The following NUMA1 variants were observed in gnomAD, a reference collection of about 807,000 sequenced individuals.
NUMA1 encodes nuclear mitotic apparatus protein 1, also known as SP-H antigen.
A neutral mutation model predicts 237.1 loss-of-function variants in NUMA1; 62 were observed. That is an observed-to-expected ratio of 0.26 (90% confidence interval 0.21 to 0.32). The LOEUF is 0.32. NUMA1 is among the 10% of genes least tolerant of loss of function. The pLI is 1.00. For synonymous variants in NUMA1, 1,028 were observed against 1,066.1 expected (o/e 0.96, Z 0.70); for missense variants, 2,533 against 2,666.5 (o/e 0.95, Z 1.10).
At chr11:72,026,813 T>A (rs1306188970) in intron 4 of NUMA1, among the ~76,000 whole-genome samples, 3 of 152,174 alleles carry the variant, frequency 2.0e-5, no homozygotes, top group African/African-American at 7.2e-5. Flanking sequence ...AGTAGCGGTA[T>A]CAGAAATGTA....
chr11:72,015,996 G>A lies in NUMA1; in HGVS notation c.1507C>T (p.Leu503=), dbSNP rs1203671678. ...GARLTAQVAS[L]TSELTTLNAT... ...TTGAGTGTGGTGAGCTCAGAGGTCA[G>A]AGAGGCCACCTGGGCAGTCAACCGG... Residue 503 remains leucine (L), a synonymous_variant, in exon 15 of 27, where the codon CTG becomes TTG. Transcript: ENST00000393695. The surrounding 1 kb of genome is among the most constrained non-coding windows in gnomAD (Gnocchi z 4.0). 6.2e-7 allele frequency: 1 copy of A among 1,614,138 alleles called. No homozygotes were observed. The highest frequency in any genetic ancestry group is 1.3e-5 in the African/African-American group (1 of 75,070).
chr11:72,041,478 G>A (rs1941660207), intron 2 of NUMA1: 1 of 152,324 alleles, frequency 6.6e-6, no homozygotes, highest in South Asian at 2.1e-4. Context: ...CCTTCGCTCT[G>A]TTTTCCACCC....
chr11:72,045,337 G>T (rs574897837), intron 2 of NUMA1, among the ~76,000 whole-genome samples: 1 of 152,242 alleles, frequency 6.6e-6, no homozygotes, highest in South Asian at 2.1e-4. Context: ...TATTCCCACT[G>T]TATCATTTGT....
chr11:72,033,373 T>G (rs555470085), intron 3 of NUMA1, among the ~76,000 whole-genome samples: 6 of 2,306 alleles, frequency 2.6e-3, no homozygotes, highest in African/African-American at 5.0e-3. Flanking sequence ...TGTTTTTTTT[T>G]TTTTTTTTTT....
chr11:72,018,447 G>A lies in NUMA1; in HGVS notation c.809C>T (p.Ala270Val). ...AAGCTCCTTGGGCTCCAGTGGGCTG[G>A]CCGCCTGCTTCTCATTCAGCAGGGC... ...RLALLNEKQAASPLEPKELEE... is the reference protein window; with the variant it reads ...RLALLNEKQAVSPLEPKELEE... Residue 270 changes from alanine to valine, a missense_variant, in exon 11 of 27, where the codon GCC (alanine) becomes GTC (valine). Around this residue, in one of 3 missense-constraint regions of NUMA1, gnomAD observed 1,414 missense variants for 1,508.1 expected, o/e 0.94. Transcript: ENST00000393695. 4.3e-6 allele frequency: 7 copies of A among 1,614,132 alleles called. No individual in the cohort carries two copies. Among genetic ancestry groups the A allele is most frequent in the Non-Finnish European group, 5.9e-6 (7 of 1,180,008 alleles).
chr11:72,047,732 G>A (rs1365878427), intron 2 of NUMA1: 1 of 152,160 alleles, frequency 6.6e-6, no homozygotes, highest in Non-Finnish European at 1.5e-5. Flanking sequence ...ACAGGCTCTG[G>A]ATTAGCTACG....
At chr11:72,069,097 G>T (rs1218096023) in intron 2 of NUMA1, among the ~76,000 whole-genome samples, 1 of 152,160 alleles carries the variant, frequency 6.6e-6, no homozygotes, top group Non-Finnish European at 1.5e-5. Flanking sequence ...TTACTTTGAA[G>T]GGGTCAAACT....
chr11:72,010,866 AGAG>A lies in NUMA1; in HGVS notation c.4651-15_4651-13del, dbSNP rs759041470. On this transcript the variant is annotated splice_polypyrimidine_tract_variant and intron_variant, in intron 16 of 26. Coordinates refer to ENST00000393695, the MANE Select transcript of NUMA1 (RefSeq NM_006185.4). ...CTCAGTTCTTCCACCTGGGGAGGGA[AGAG>A]GAGGACAGAAGACTCAGGAGGACTT... 5.0e-6 allele frequency: 8 copies of A among 1,613,072 alleles called. No homozygotes were observed. In the South Asian group the frequency reaches 5.5e-5, roughly 11 times the overall value.
In NUMA1 at chr11:72,014,172, C is replaced by T. The variant is rs757700062; in HGVS notation, c.3331G>A (p.Ala1111Thr). ...CCTGTTGGCTCTGTCCTGCCAGCAG[C>T]CTCAGATTGGGCTCCTGAGCCAGAT... Reference protein sequence around the residue: ...HASGSGAQSEAAGRTEPTGPK... With the variant: ...HASGSGAQSETAGRTEPTGPK... The change falls in exon 15 of 27, where the codon GCT becomes ACT. Residue 1111 changes from alanine to threonine, a missense_variant. Ala to Thr is a moderately conservative substitution (Grantham distance 58). Coordinates refer to ENST00000393695, the MANE Select transcript of NUMA1 (RefSeq NM_006185.4). This position sits in a 1 kb window ranked among gnomAD's most constrained non-coding sequence, Gnocchi z 4.6. The T allele has an allele frequency of 2.5e-6, 4 of 1,613,812 alleles. No homozygotes were observed. The South Asian group carries it at 4.4e-5, about 18-fold the overall frequency.
Position 72,016,222 on chromosome 11 carries a change from T to G in NUMA1, c.1281A>C (p.Ala427=). 6.2e-7 allele frequency: 1 copy of G among 1,603,244 alleles called. No individual in the cohort carries two copies. Among genetic ancestry groups the G allele is most frequent in the Non-Finnish European group, 8.5e-7 (1 of 1,171,588 alleles). Residue 427 remains alanine, a synonymous_variant, in exon 15 of 27, where the codon GCA becomes GCC. Transcript: ENST00000393695. ...CCCTGGCTTGGAGCTGTGTGTTGTT[T>G]GCAGCAAGAGTGGCTGCCTCTTGCT... ...TLKQEAATLA[A]NNTQLQARVE...
chr11:72,014,278 G>C lies in NUMA1; in HGVS notation c.3225C>G (p.Ala1075=). Residue 1075 remains alanine, a synonymous_variant, in exon 15 of 27, where the codon GCC becomes GCG. Transcript: ENST00000393695. The surrounding 1 kb of genome is among the most constrained non-coding windows in gnomAD (Gnocchi z 4.6). ...GAAGTTCCTCCAGCTCTTTTATCTGGGCTGCCTCCAGACCACGAAGCTTGG... is the reference window on the plus strand; with the variant it reads ...GAAGTTCCTCCAGCTCTTTTATCTGCGCTGCCTCCAGACCACGAAGCTTGG... ...ELAKLRGLEA[A]QIKELEELRQ... The C allele has an allele frequency of 6.2e-7, 1 of 1,613,922 alleles. No individual in the cohort carries two copies. The highest frequency in any genetic ancestry group is 8.5e-7 in the Non-Finnish European group (1 of 1,180,054).
chr11:72,054,325 G>T (rs1458635550), intron 2 of NUMA1, among the ~76,000 whole-genome samples: 1 of 151,926 alleles, frequency 6.6e-6, no homozygotes, highest in Admixed American at 6.6e-5. Flanking sequence ...AAAATTAGCC[G>T]GGCACGGTGG....
chr11:72,064,368 G>A (rs191690125), intron 2 of NUMA1, among the ~76,000 whole-genome samples: 299 of 145,372 alleles, frequency 2.1e-3, no homozygotes, highest in Non-Finnish European at 3.6e-3. Context: ...AAGCTAAAGC[G>A]GGAAGATCAC....
chr11:72,063,655 GC>G (rs1302542059), intron 2 of NUMA1, among the ~76,000 whole-genome samples: 1 of 144,000 alleles, frequency 6.9e-6, no homozygotes, highest in African/African-American at 2.6e-5. Context: ...AATGGTTGAA[GC>G]CTGTCATCCC....
At chr11:72,044,610 G>C (rs564446478) in intron 2 of NUMA1, among the ~76,000 whole-genome samples, 34 of 151,782 alleles carry the variant, frequency 2.2e-4, no homozygotes, top group African/African-American at 8.0e-4. Context: ...TTTGGGGGGG[G>C]GGAGGAGTTA....
intron 1 of NUMA1, among the ~76,000 whole-genome samples, chr11:72,077,598 A>G (rs1943769419): frequency 6.6e-6 from 1 of 152,098 alleles, no homozygotes. Context: ...GAGGATCACA[A>G]GGTCAGGGGA....
rs925775154 is a variant in NUMA1 at position 72,022,231 on chromosome 11, T to C, written c.372+108A>G. On this transcript the variant is annotated intron_variant, in intron 7 of 26. Transcript: ENST00000393695. ...CTATGATGAATGGCAATAATTGCTA[T>C]AACTGTATTTTTAAAAAGTCCAGTA... is the stretch of plus-strand genomic sequence containing the variant. 1.3e-5 allele frequency: 8 copies of C among 639,444 alleles called. No homozygotes were observed. The Admixed American group carries it at 1.7e-4, about 13-fold the overall frequency. The allele number at this position is 639,444 out of a possible 1,614,324, so 39.6% of individuals were successfully genotyped here. A position where few individuals can be genotyped will look rare whatever the true frequency, so the allele number is the denominator to read the frequency against.
intron 4 of NUMA1, among the ~76,000 whole-genome samples, chr11:72,027,707 A>T (rs1256880626): frequency 6.6e-6 from 1 of 152,236 alleles, no homozygotes; most frequent in Non-Finnish European, 1.5e-5. Context: ...AGGTTTGATG[A>T]AGAGTCACTG....
At chr11:72,056,731 C>CA (rs1942676482) in intron 2 of NUMA1, among the ~76,000 whole-genome samples, 1 of 148,872 alleles carries the variant, frequency 6.7e-6, no homozygotes, top group South Asian at 2.2e-4. Flanking sequence ...CTCAATTTCT[C>CA]AAACAGTAGC....
Sources: gnomAD v4.1 joint callset for allele counts (sites outside exome capture counted in the v4.1 genomes callset) on GRCh38, gnomAD v4.1.1 for gene constraint, gnomAD v4.1.1 regional missense constraint, Gnocchi (gnomAD v3.1) non-coding constraint, MANE v1.5 for transcripts, NCBI Gene and HGNC (gene_info 2026-07-23, HGNC 2026-07-21) for gene names.